Variants in FOXP2 observed in about 807,000 individuals in gnomAD.
FOXP2 encodes forkhead box P2.
FOXP2 carries 12 observed loss-of-function variants against 115.8 expected under a neutral mutation model. The observed-to-expected ratio is 0.10, with a 90% CI of 0.07 to 0.17. The LOEUF (loss-of-function observed/expected upper bound fraction) is 0.17. Among genes scored for constraint, FOXP2 ranks in the 10% least tolerant of loss-of-function variants. The pLI is 1.00. For synonymous variants in FOXP2, 328 were observed against 297.7 expected, an observed-to-expected ratio of 1.10 and a Z score of -1.05; for missense variants, 629 against 843.5, an observed-to-expected ratio of 0.75 and a Z score of 3.15.
chr7:114,307,732 A>G (rs890891450), intron 2 of FOXP2, among the ~76,000 whole-genome samples: 42 of 152,168 alleles, frequency 2.8e-4, no homozygotes, highest in African/African-American at 9.9e-4. Context: ...GCATATTTAA[A>G]TAAGGTTGCA....
chr7:114,607,705 C>T (rs1452156178), intron 3 of FOXP2, among the ~76,000 whole-genome samples: 2 of 152,050 alleles, frequency 1.3e-5, no homozygotes, highest in Non-Finnish European at 2.9e-5. Flanking sequence ...GGAGTTCAAA[C>T]CTAAACATAG....
In FOXP2 at chr7:114,663,679, A is replaced by T. The variant is rs180735388; in HGVS notation, c.1839+160A>T. Among the ~76,000 whole-genome samples the T allele has an allele frequency of 1.0e-3, 154 of 151,970 alleles. 1 individual carries two copies. Among genetic ancestry groups the T allele is most frequent in the Non-Finnish European group, 7.8e-4 (53 of 67,986 alleles). ...CTATAGACAGCACTGGTTCTAATTC[A>T]AGCTACTTTTGATGTGAAGAAGCAA... On this transcript the variant is annotated intron_variant, in intron 15 of 16. Coordinates refer to ENST00000350908, the MANE Select transcript of FOXP2 (RefSeq NM_014491.4).
intron 3 of FOXP2, among the ~76,000 whole-genome samples, chr7:114,536,250 C>A (rs1270506489): frequency 6.6e-6 from 1 of 151,478 alleles, no homozygotes; most frequent in Non-Finnish European, 1.5e-5. Context: ...TATATATTTT[C>A]CTAATTCTAT....
At chr7:114,570,984 C>T in intron 3 of FOXP2, 2 of 950,558 alleles carry the variant, frequency 2.1e-6, no homozygotes, top group Non-Finnish European at 3.4e-6. Context: ...CAATCCCTTC[C>T]ATTGGTGCAG....
At chr7:114,628,902 G>T in intron 4 of FOXP2, 1 of 525,980 alleles carries the variant, frequency 1.9e-6, no homozygotes, top group African/African-American at 1.9e-5. Flanking sequence ...GCAGAGAGAG[G>T]TGTAATTTGA....
intron 1 of FOXP2, among the ~76,000 whole-genome samples, chr7:114,193,484 G>A (rs914173417): frequency 1.3e-5 from 2 of 151,622 alleles, no homozygotes; most frequent in African/African-American, 2.4e-5. Context: ...TTTTATCTGT[G>A]TGTGATATAA....
chr7:114,315,685 T>C (rs921577768), intron 2 of FOXP2, among the ~76,000 whole-genome samples: 2 of 152,128 alleles, frequency 1.3e-5, no homozygotes, highest in African/African-American at 4.8e-5. Context: ...AATTATGTTC[T>C]GTGAAGTCAC....
chr7:114,322,917 A>T (rs1228705341), intron 2 of FOXP2, among the ~76,000 whole-genome samples: 2 of 152,124 alleles, frequency 1.3e-5, no homozygotes, highest in Non-Finnish European at 2.9e-5. Context: ...ATTTGATTTT[A>T]TATTTAAGCA....
intron 1 of FOXP2, among the ~76,000 whole-genome samples, chr7:114,121,392 T>G (rs1791561241): frequency 1.3e-5 from 2 of 152,104 alleles, no homozygotes; most frequent in Non-Finnish European, 2.9e-5. Context: ...TATGGTACTT[T>G]GTTATCGCAG....
chr7:114,531,548 GC>G (rs1228009656), intron 2 of FOXP2, among the ~76,000 whole-genome samples: 1 of 151,838 alleles, frequency 6.6e-6, no homozygotes, highest in Non-Finnish European at 1.5e-5. Flanking sequence ...AACTGCCAGA[GC>G]TTTCTGCTTA....
At chr7:114,161,822 G>A (rs1792844735), upstream of FOXP2, among the ~76,000 whole-genome samples, 1 of 152,050 alleles carries the variant, frequency 6.6e-6, no homozygotes, top group African/African-American at 2.4e-5. Context: ...TGTTGCCCAG[G>A]CTGGAGTGCA....
chr7:114,124,069 CCTCT>C lies in FOXP2; in HGVS notation c.-247+36242_-247+36245del, dbSNP rs147417700. 3.3e-5 allele frequency among the ~76,000 whole-genome samples: 5 copies of C among 150,252 alleles called. No individual in the cohort carries two copies. The South Asian group carries it at 8.4e-4, about 25-fold the overall frequency. On this transcript the variant is annotated intron_variant, in intron 1 of 19. Coordinates refer to the FOXP2 transcript ENST00000635638. ...ATGGGTTTCTTTCTTCCATTTTTAT[CCTCT>C]CTCTCTCTCTGTTGCCTGTAAAATT... is the stretch of plus-strand genomic sequence containing the variant.
chr7:114,655,637 T>G (rs1286014032), intron 10 of FOXP2, among the ~76,000 whole-genome samples: 1 of 152,124 alleles, frequency 6.6e-6, no homozygotes, highest in African/African-American at 2.4e-5. Flanking sequence ...CAAAAGAAGC[T>G]TCAAAATTGA....
intron 8 of FOXP2, among the ~76,000 whole-genome samples, chr7:114,648,188 A>G (rs987649251): frequency 6.6e-6 from 1 of 152,086 alleles, no homozygotes; most frequent in Non-Finnish European, 1.5e-5. Context: ...GTCTTTGACT[A>G]GGCAGCATGG....
intron 2 of FOXP2, among the ~76,000 whole-genome samples, chr7:114,379,516 G>T (rs552110487): frequency 6.6e-6 from 1 of 152,236 alleles, no homozygotes; most frequent in East Asian, 1.9e-4. Context: ...GGGTTGTGCA[G>T]TTGAGATTTT....
At chr7:114,667,820 A>C (rs1807253435) in intron 16 of FOXP2, 1 of 152,152 alleles carries the variant, frequency 6.6e-6, no homozygotes, top group South Asian at 2.1e-4. Context: ...CCATGACTTA[A>C]TGAAACTCAT....
chr7:114,284,740 G>A (rs149704283), intron 1 of FOXP2, among the ~76,000 whole-genome samples: 65 of 152,210 alleles, frequency 4.3e-4, no homozygotes, highest in African/African-American at 8.9e-4. Context: ...TTGTTCTGTC[G>A]TAAAGACACA....
intron 1 of FOXP2, among the ~76,000 whole-genome samples, chr7:114,106,334 G>A (rs993466117): frequency 2.7e-5 from 4 of 147,960 alleles, no homozygotes; most frequent in African/African-American, 7.5e-5. Context: ...TTTGATTCTC[G>A]TTTTTCCTAG....
At chr7:114,604,531 A>G (rs1803205539) in intron 3 of FOXP2, among the ~76,000 whole-genome samples, 1 of 152,222 alleles carries the variant, frequency 6.6e-6, no homozygotes, top group African/African-American at 2.4e-5. Context: ...AATAGAAACT[A>G]ATAAATATTT....
Sources: gnomAD v4.1 joint callset for allele counts (sites outside exome capture counted in the v4.1 genomes callset) on GRCh38, gnomAD v4.1.1 for gene constraint, MANE v1.5 for transcripts, NCBI Gene and HGNC (gene_info 2026-07-23, HGNC 2026-07-21) for gene names.